Variants in ANKRD36 observed in about 807,000 individuals in gnomAD.
ANKRD36 encodes the protein ankyrin repeat domain-containing protein 36A.
In ANKRD36, 179 loss-of-function variants were observed where a neutral mutation model predicts 278.1. The ratio of observed to expected loss-of-function variants is 0.64; its 90% CI spans 0.57 to 0.73. The LOEUF is 0.73. Among genes scored for constraint, ANKRD36 ranks in the 30% least tolerant of loss-of-function variants. ANKRD36 has a pLI of 0.00. For synonymous variants in ANKRD36, 320 were observed against 641.1 expected (o/e 0.50, Z 7.57); for missense variants, 1,159 against 1,956.7 (o/e 0.59, Z 7.69).
At chr2:97,125,377 C>A in intron 5 of ANKRD36, among the ~76,000 whole-genome samples, 1 of 129,066 alleles carries the variant, frequency 7.7e-6, no homozygotes, top group East Asian at 2.3e-4. Flanking sequence ...AACACACATA[C>A]GGAGCAAATT....
intron 75 of ANKRD36, among the ~76,000 whole-genome samples, chr2:97,260,484 A>G (rs2076628483): frequency 7.4e-6 from 1 of 135,914 alleles, no homozygotes; most frequent in South Asian, 4.6e-4. Context: ...TGCTTAAGAT[A>G]TTTGGTAAAC....
At position 97,206,748 on chromosome 2, in the gene ANKRD36, C is replaced by A. The variant is rs186965979; in HGVS notation, c.3163+613C>A. ...TTCAGGAACTGCTGGAAGAAGGAAG[C>A]AATCCTAGAATTGGCATAAAAACAC... On this transcript the variant is annotated intron_variant, in intron 52 of 75. Transcript: ENST00000420699. Among the ~76,000 whole-genome samples the A allele has an allele frequency of 1.8e-4, 27 of 151,570 alleles. No individual in the cohort carries two copies. The East Asian group carries it at 5.3e-3, about 30-fold the overall frequency.
At chr2:97,205,911 A>G (rs777270870) in intron 50 of ANKRD36, 29 bp from the exon 51 acceptor site, 134 of 1,538,746 alleles carry the variant, frequency 8.7e-5, no homozygotes, top group Non-Finnish European at 1.1e-4. Context: ...TTTACATATG[A>G]CTGATTATGA....
In ANKRD36 at chr2:97,196,696, TC is replaced by T; in HGVS notation, c.2581-19del. The T allele has an allele frequency of 6.3e-7, 1 of 1,574,972 alleles. No individual in the cohort carries two copies. Among genetic ancestry groups the T allele is most frequent in the East Asian group, 2.4e-5 (1 of 42,022 alleles). On this transcript the variant is annotated intron_variant, in intron 41 of 75. Coordinates refer to ENST00000420699, the MANE Select transcript of ANKRD36 (RefSeq NM_001354587.1). ...AAACATACTTTATTTATTTATTATTTCGTTTCAAATTCCATTCAGGGTACAA... is the reference window on the plus strand; with the variant it reads ...AAACATACTTTATTTATTTATTATTTGTTTCAAATTCCATTCAGGGTACAA...
chr2:97,230,563 A>T (rs10166870), intron 67 of ANKRD36, among the ~76,000 whole-genome samples: 53,915 of 149,728 alleles, frequency 0.36, 10,051 homozygotes, highest in South Asian at 0.67. Flanking sequence ...AAAGTTTTTA[A>T]CTTCTTTGCC....
chr2:97,197,949 G>T (rs1306152658), intron 42 of ANKRD36, among the ~76,000 whole-genome samples: 8 of 151,870 alleles, frequency 5.3e-5, no homozygotes, highest in African/African-American at 1.7e-4. Flanking sequence ...ATCAATTTAG[G>T]ACCCTTCCAC....
intron 42 of ANKRD36, among the ~76,000 whole-genome samples, chr2:97,197,936 G>A (rs1296575647): frequency 6.6e-6 from 1 of 151,876 alleles, no homozygotes; most frequent in East Asian, 1.9e-4. Context: ...TATATCCAAG[G>A]TGATCAATTT....
At position 97,207,936 on chromosome 2, in the gene ANKRD36, T is replaced by C. The variant is rs2063326118; in HGVS notation, c.3195T>C (p.Ala1065=). The C allele has an allele frequency of 3.3e-6, 5 of 1,530,262 alleles. No homozygotes were observed. The East Asian group carries it at 1.2e-4, about 37-fold the overall frequency. 94.8% of individuals were successfully genotyped at this position (1,530,262 alleles called of 1,614,324 possible). The change falls in exon 54 of 76, where the codon GCT becomes GCC. Residue 1065 remains alanine (A), a splice_region_variant and synonymous_variant. Transcript: ENST00000420699. ...ATTTCATTTGAAATTCCATTCAGGC[T>C]ACAAGTGCCGAGAAAGATTCTGTTT... ...VSSEKPSGLK[A]TSAEKDSVLN...
At chr2:97,151,714 C>T (rs1457362266) in intron 12 of ANKRD36, among the ~76,000 whole-genome samples, 165 bp from the exon 13 acceptor site, 45 of 147,648 alleles carry the variant, frequency 3.0e-4, no homozygotes, top group Middle Eastern at 3.5e-3. Flanking sequence ...AACCATCACC[C>T]CATGTGAATC....
intron 67 of ANKRD36, among the ~76,000 whole-genome samples, chr2:97,230,402 T>G (rs548104992): frequency 1.3e-4 from 20 of 152,228 alleles, no homozygotes; most frequent in Admixed American, 3.9e-4. Flanking sequence ...CTTCCATCAC[T>G]GATACCCTTT....
At chr2:97,202,908 CT>C (rs1248402968) in intron 48 of ANKRD36, among the ~76,000 whole-genome samples, 2 of 151,714 alleles carry the variant, frequency 1.3e-5, no homozygotes, top group Non-Finnish European at 2.9e-5. Flanking sequence ...GGGGTTTCTG[CT>C]GAGGAAACCT....
At chr2:97,144,741 T>C (rs764752588) in intron 10 of ANKRD36, 29 bp downstream of exon 10, 15 of 1,541,994 alleles carry the variant, frequency 9.7e-6, no homozygotes, top group South Asian at 7.2e-5. Flanking sequence ...TTTAATGCCA[T>C]GTACAGTCAA....
At chr2:97,231,224 C>G (rs1576439030) in intron 67 of ANKRD36, among the ~76,000 whole-genome samples, 1 of 152,150 alleles carries the variant, frequency 6.6e-6, no homozygotes, top group Non-Finnish European at 1.5e-5. Context: ...CTTTTTGTTT[C>G]TCTGTGCCCT....
intron 22 of ANKRD36, among the ~76,000 whole-genome samples, chr2:97,174,838 G>C (rs1052838025): frequency 2.6e-5 from 4 of 151,668 alleles, no homozygotes; most frequent in Non-Finnish European, 5.9e-5. Context: ...AGCATGAAGG[G>C]TTGTTGAATT....
chr2:97,127,845 A>C (rs541186612), intron 6 of ANKRD36, among the ~76,000 whole-genome samples: 2 of 152,160 alleles, frequency 1.3e-5, no homozygotes, highest in South Asian at 4.2e-4. Flanking sequence ...ATTTGTAAAA[A>C]AACAATAATA....
chr2:97,183,685 T>G, intron 28 of ANKRD36, 31 bp downstream of exon 28: 2 of 1,547,174 alleles, frequency 1.3e-6, no homozygotes, highest in South Asian at 1.2e-5. Context: ...TAATGTCATG[T>G]GCACTCAAGA....
chr2:97,210,902 G>T (rs562401526), intron 56 of ANKRD36, among the ~76,000 whole-genome samples: 2 of 151,982 alleles, frequency 1.3e-5, no homozygotes, highest in East Asian at 3.9e-4. Context: ...AGTGGATGAA[G>T]AAACTTTTGG....
chr2:97,244,040 GT>G lies in ANKRD36; in HGVS notation c.4491+14del. On this transcript the variant is annotated intron_variant, in intron 70 of 75. Transcript: ENST00000420699. ...AATAATTCAAATCAGGTAAATTAAT[GT>G]TTGGTAAAACTTCATATTTCTACTC... is the stretch of plus-strand genomic sequence containing the variant. 1 of 1,547,078 alleles carries G rather than the reference GT, an allele frequency of 6.5e-7. No homozygotes were observed. Among genetic ancestry groups the G allele is most frequent in the Non-Finnish European group, 8.8e-7 (1 of 1,142,768 alleles).
chr2:97,216,437 G>A (rs1258303572), intron 62 of ANKRD36, among the ~76,000 whole-genome samples: 1 of 152,066 alleles, frequency 6.6e-6, no homozygotes, highest in African/African-American at 2.4e-5. Context: ...TCTAACGCTT[G>A]TAGCAGTTTT....
Sources: gnomAD v4.1 joint callset for allele counts (sites outside exome capture counted in the v4.1 genomes callset) on GRCh38, gnomAD v4.1.1 for gene constraint, MANE v1.5 for transcripts, NCBI Gene and HGNC (gene_info 2026-07-23, HGNC 2026-07-21) for gene names.